RIPOR2: variants seen among roughly 807,000 people sequenced by gnomAD.
RIPOR2 encodes the protein rho family-interacting cell polarization regulator 2.
RIPOR2 carries 39 observed loss-of-function variants against 114.5 expected under a neutral mutation model. The ratio of observed to expected loss-of-function variants is 0.34; its 90% confidence interval spans 0.26 to 0.44. The LOEUF (loss-of-function observed/expected upper bound fraction) is 0.44. RIPOR2 is among the 20% of genes least tolerant of loss of function. The pLI is 1.00. For synonymous variants in RIPOR2, 445 were observed against 484.4 expected, an observed-to-expected ratio of 0.92 and a Z score of 1.07; for missense variants, 1,007 against 1,255.1, an observed-to-expected ratio of 0.80 and a Z score of 2.99.
rs1338478638 is a variant in RIPOR2 at position 24,895,421 on chromosome 6, C to T, written c.62-19604G>A. ...GATTCTGACTTAGTCTGGGGTGGGG[C>T]CTGGGCATACGTACTTTAAAAAAAA... On this transcript the variant is annotated intron_variant, in intron 1 of 21. Coordinates refer to ENST00000643898, the MANE Select transcript of RIPOR2 (RefSeq NM_001286445.3). Among the ~76,000 whole-genome samples, 6 of 148,516 alleles carry T rather than the reference C, an allele frequency of 4.0e-5. 1 individual carries two copies. The East Asian group carries it at 1.2e-3, about 29-fold the overall frequency.
intron 1 of RIPOR2, among the ~76,000 whole-genome samples, chr6:24,886,778 G>A (rs1240828076): frequency 6.6e-6 from 1 of 152,186 alleles, no homozygotes; most frequent in African/African-American, 2.4e-5. Flanking sequence ...TTCTCCTACG[G>A]AAAGTTACTA....
intron 5 of RIPOR2, among the ~76,000 whole-genome samples, chr6:24,869,485 T>C (rs1426133312): frequency 6.6e-6 from 1 of 151,962 alleles, no homozygotes; most frequent in South Asian, 2.1e-4. Flanking sequence ...GCCTGGCTAA[T>C]TTTTGTATAT....
intron 1 of RIPOR2, among the ~76,000 whole-genome samples, chr6:24,895,577 A>T (rs577792377): frequency 6.6e-6 from 1 of 152,340 alleles, no homozygotes; most frequent in African/African-American, 2.4e-5. Context: ...GCTTGGCTTC[A>T]ACTTCACTGC....
chr6:24,959,479 C>A (rs756055240), intron 1 of RIPOR2, among the ~76,000 whole-genome samples: 7 of 152,180 alleles, frequency 4.6e-5, no homozygotes, highest in Non-Finnish European at 7.3e-5. Flanking sequence ...AGACTGCTGA[C>A]CTTTTTTCCC....
At chr6:24,998,779 AT>A (rs1303054771) in intron 1 of RIPOR2, among the ~76,000 whole-genome samples, 2 of 152,216 alleles carry the variant, frequency 1.3e-5, no homozygotes, top group Non-Finnish European at 2.9e-5. Context: ...TGGAACAGGA[AT>A]TCCAATCGGC....
intron 12 of RIPOR2, among the ~76,000 whole-genome samples, chr6:24,845,423 TG>T (rs1762164520): frequency 6.6e-6 from 1 of 152,176 alleles, no homozygotes; most frequent in South Asian, 2.1e-4. Flanking sequence ...CTAGAACCCA[TG>T]GGCCCTCCAT....
intron 12 of RIPOR2, among the ~76,000 whole-genome samples, chr6:24,845,236 G>T (rs1384825944): frequency 3.3e-5 from 5 of 152,070 alleles, no homozygotes; most frequent in African/African-American, 1.2e-4. Flanking sequence ...GGGCTCTGGT[G>T]CTCCTCTTCC....
intron 1 of RIPOR2, among the ~76,000 whole-genome samples, chr6:24,884,395 C>T (rs946413128): frequency 6.6e-6 from 1 of 151,922 alleles, no homozygotes; most frequent in Non-Finnish European, 1.5e-5. Context: ...GGCGACAGAG[C>T]GAGACTCCAT....
chr6:24,834,173 A>G (rs1009260362), intron 15 of RIPOR2, among the ~76,000 whole-genome samples: 4 of 152,182 alleles, frequency 2.6e-5, no homozygotes, highest in Admixed American at 2.6e-4. Context: ...AAAACTCAAC[A>G]GAAGAGTTCA....
chr6:24,989,537 C>T (rs997417991), intron 1 of RIPOR2, among the ~76,000 whole-genome samples: 2 of 151,584 alleles, frequency 1.3e-5, no homozygotes, highest in African/African-American at 2.4e-5. Flanking sequence ...CCTGGTGATC[C>T]GCCCACCTCG....
chr6:24,875,038 C>T (rs955439822), intron 2 of RIPOR2, among the ~76,000 whole-genome samples: 5 of 152,124 alleles, frequency 3.3e-5, no homozygotes, highest in African/African-American at 7.2e-5. Context: ...CCTCCGAGGC[C>T]GGAAGGTGCC....
At chr6:24,824,225 A>G (rs1309731218) in intron 19 of RIPOR2, among the ~76,000 whole-genome samples, 1 of 152,188 alleles carries the variant, frequency 6.6e-6, no homozygotes, top group Non-Finnish European at 1.5e-5. Context: ...AGGAGGTGAG[A>G]GTGGTCAGCC....
chr6:24,825,667 T>C (rs902224151), intron 18 of RIPOR2, among the ~76,000 whole-genome samples: 2 of 152,160 alleles, frequency 1.3e-5, no homozygotes, highest in Admixed American at 6.5e-5. Flanking sequence ...TGGGTTTCTA[T>C]CTCATAATGG....
chr6:24,861,920 A>C (rs749285579), intron 7 of RIPOR2, among the ~76,000 whole-genome samples: 1 of 152,222 alleles, frequency 6.6e-6, no homozygotes, highest in Non-Finnish European at 1.5e-5. Context: ...TTTCTTAAAA[A>C]TTTGGGGCCA....
intron 21 of RIPOR2, 53 bp downstream of exon 21, chr6:24,809,664 G>A (rs367897444): frequency 1.3e-4 from 160 of 1,205,424 alleles, no homozygotes; most frequent in East Asian, 9.9e-4. Flanking sequence ...GGGAACATCC[G>A]TTAGAGAGTG....
intron 1 of RIPOR2, among the ~76,000 whole-genome samples, chr6:24,935,317 CAACAA>C (rs563049371): frequency 0.069 from 5,517 of 79,492 alleles, 214 homozygotes; most frequent in African/African-American, 0.18. Flanking sequence ...CAAAAAACAA[CAACAA>C]AAAAAAAAAA....
At chr6:25,007,835 G>C (rs565477189) in intron 1 of RIPOR2, among the ~76,000 whole-genome samples, 2 of 151,608 alleles carry the variant, frequency 1.3e-5, no homozygotes, top group African/African-American at 4.9e-5. Context: ...ATTGATATCC[G>C]GGAGGGACCT....
At chr6:24,997,347 G>A (rs746018233) in intron 1 of RIPOR2, among the ~76,000 whole-genome samples, 1 of 152,062 alleles carries the variant, frequency 6.6e-6, no homozygotes, top group East Asian at 1.9e-4. Context: ...GGGGAGGTGG[G>A]GTGGGAAGGT....
At chr6:25,029,327 G>C (rs1190858385) in intron 1 of RIPOR2, among the ~76,000 whole-genome samples, 2 of 150,666 alleles carry the variant, frequency 1.3e-5, no homozygotes, top group South Asian at 4.2e-4. Context: ...GCGTGAACCC[G>C]GGAGGCGGAG....
Sources: gnomAD v4.1 joint callset for allele counts (sites outside exome capture counted in the v4.1 genomes callset) on GRCh38, gnomAD v4.1.1 for gene constraint, MANE v1.5 for transcripts, NCBI Gene and HGNC (gene_info 2026-07-23, HGNC 2026-07-21) for gene names.